RPAP3: variants seen among roughly 807,000 people sequenced by gnomAD.
RPAP3 encodes RNA polymerase II-associated protein 3.
Under a neutral mutation model 88.8 loss-of-function variants are expected in RPAP3, and 58 were observed. The observed-to-expected ratio is 0.65, with a 90% CI of 0.53 to 0.81. The LOEUF (loss-of-function observed/expected upper bound fraction) is 0.81. RPAP3 is among the 40% of genes least tolerant of loss of function. The pLI, the probability that RPAP3 is intolerant of heterozygous loss-of-function variation, is 0.00. For synonymous variants in RPAP3, 255 were observed against 259.9 expected (o/e 0.98, Z 0.18); for missense variants, 751 against 764.3 (o/e 0.98, Z 0.20).
In RPAP3 at chr12:47,686,826, C is replaced by T. The variant is rs767725622; in HGVS notation, c.946G>A (p.Ala316Thr). The T allele has an allele frequency of 1.2e-6, 2 of 1,606,746 alleles. No individual in the cohort carries two copies. Among genetic ancestry groups the T allele is most frequent in the South Asian group, 2.2e-5 (2 of 89,656 alleles). ...TRGIAADGAN[A>T]LLPANRAMAY... Reference sequence around the variant, plus strand: ...ATAGCTCTGTTAGCTGGAAGAAGGGCATTAGCACCATCTGCTGCTATCCCT... The same window carrying T: ...ATAGCTCTGTTAGCTGGAAGAAGGGTATTAGCACCATCTGCTGCTATCCCT... The change falls in exon 9 of 17, where the codon GCC becomes ACC. Residue 316 changes from alanine (A) to threonine (T), a missense_variant. Coordinates refer to ENST00000005386, the MANE Select transcript of RPAP3 (RefSeq NM_024604.3).
chr12:47,664,547 G>A (rs1163117979), intron 16 of RPAP3: 1 of 152,134 alleles, frequency 6.6e-6, no homozygotes, highest in Non-Finnish European at 1.5e-5. Context: ...TAATGATAAT[G>A]GCAATAATAA....
At chr12:47,693,507 T>C (rs1467509931) in intron 5 of RPAP3, among the ~76,000 whole-genome samples, 6 of 152,222 alleles carry the variant, frequency 3.9e-5, no homozygotes, top group Admixed American at 3.9e-4. Context: ...ACTTGCCTGA[T>C]ATAAGGTTGC....
Position 47,690,658 on chromosome 12 carries a change from AAAAT to A in RPAP3, c.546-23_546-20del. Reference sequence around the variant, plus strand: ...AGCAAATCTGCAATTTAAAAACATTAAAATAAATAAAGTTAATAAAACTAATTTA... The same window carrying A: ...AGCAAATCTGCAATTTAAAAACATTAAAATAAAGTTAATAAAACTAATTTA... On this transcript the variant is annotated intron_variant, in intron 5 of 16. Transcript: ENST00000005386. 1 of 1,423,736 alleles carries A rather than the reference AAAAT, an allele frequency of 7.0e-7. No individual in the cohort carries two copies. Among genetic ancestry groups the A allele is most frequent in the African/African-American group, 1.4e-5 (1 of 69,360 alleles). The allele number at this position is 1,423,736 out of a possible 1,614,324, so 88.2% of individuals were successfully genotyped here.
intron 7 of RPAP3, 131 bp from the exon 8 acceptor site, chr12:47,688,132 C>A: frequency 1.2e-6 from 1 of 801,498 alleles, no homozygotes; most frequent in Non-Finnish European, 1.8e-6. Context: ...ATAACATTTT[C>A]TGCTCTAATT....
chr12:47,682,802 T>C (rs1409935206), intron 9 of RPAP3, among the ~76,000 whole-genome samples: 2 of 152,196 alleles, frequency 1.3e-5, no homozygotes, highest in Non-Finnish European at 2.9e-5. Context: ...TAAACATCTC[T>C]GATTTATTTA....
At chr12:47,697,550 A>T in intron 4 of RPAP3, 47 bp downstream of exon 4, 3 of 1,531,956 alleles carry the variant, frequency 2.0e-6, no homozygotes, top group Non-Finnish European at 2.7e-6. Context: ...ATGATTTTCA[A>T]CATCTCCTGC....
At chr12:47,680,506 G>T (rs1425656969) in intron 10 of RPAP3, among the ~76,000 whole-genome samples, 3 of 151,930 alleles carry the variant, frequency 2.0e-5, no homozygotes. Context: ...TAGCTAACAG[G>T]CTTATAGAGA....
intron 9 of RPAP3, among the ~76,000 whole-genome samples, chr12:47,684,107 T>G (rs1429023372): frequency 6.6e-6 from 1 of 152,224 alleles, no homozygotes; most frequent in Non-Finnish European, 1.5e-5. Flanking sequence ...ACTTCTGTCC[T>G]TATTTCTGAT....
At chr12:47,675,406 T>G (rs1318201874) in intron 12 of RPAP3, among the ~76,000 whole-genome samples, 1 of 152,162 alleles carries the variant, frequency 6.6e-6, no homozygotes, top group Non-Finnish European at 1.5e-5. Context: ...AATATTACCC[T>G]TAAATGTAAA....
At chr12:47,670,077 T>C in intron 13 of RPAP3, 30 bp downstream of exon 13, 1 of 1,350,550 alleles carries the variant, frequency 7.4e-7, no homozygotes, top group Non-Finnish European at 1.1e-6. Context: ...CCATTCTGGA[T>C]GATCAGCAAA....
At chr12:47,691,164 T>G (rs534838784) in intron 5 of RPAP3, among the ~76,000 whole-genome samples, 2 of 152,302 alleles carry the variant, frequency 1.3e-5, no homozygotes, top group East Asian at 3.9e-4. Flanking sequence ...TTGGAGTCAA[T>G]CCTCTCAAAC....
At chr12:47,699,924 T>C (rs1444549988) in intron 3 of RPAP3, 1 of 151,638 alleles carries the variant, frequency 6.6e-6, no homozygotes, top group Non-Finnish European at 1.5e-5. Context: ...GTGTAAGAGG[T>C]CAGAACAGTG....
chr12:47,679,424 A>T, intron 12 of RPAP3, 69 bp downstream of exon 12: 1 of 992,556 alleles, frequency 1.0e-6, no homozygotes, highest in Non-Finnish European at 1.5e-6. Flanking sequence ...TTAATACAAT[A>T]GTTGGTTTCC....
In RPAP3 at chr12:47,670,234, T is replaced by C; in HGVS notation, c.1399A>G (p.Asn467Asp). 3 of 1,613,752 alleles carry C rather than the reference T, an allele frequency of 1.9e-6. No individual in the cohort carries two copies. In the South Asian group the frequency reaches 3.3e-5, roughly 18 times the overall value. ...APENNPINLANVIAATGTTSK... is the reference protein window; with the variant it reads ...APENNPINLADVIAATGTTSK... ...GTGGTGCCTGTGGCTGCTATTACAT[T>C]TGCTAGATTAATAGGATTATTCTCT... Residue 467 changes from asparagine (N) to aspartate (D), a missense_variant, in exon 13 of 17, where the codon AAT (asparagine) becomes GAT (aspartate). By Grantham distance (23) the Asn-to-Asp change is conservative. Coordinates refer to ENST00000005386, the MANE Select transcript of RPAP3 (RefSeq NM_024604.3).
intron 8 of RPAP3, 76 bp from the exon 9 acceptor site, chr12:47,686,983 C>T: frequency 1.1e-6 from 1 of 884,642 alleles, no homozygotes; most frequent in Non-Finnish European, 1.7e-6. Context: ...TCTTATGAAA[C>T]ACTGCAAGGA....
Position 47,670,118 on chromosome 12 carries a change from A to G in RPAP3, c.1515T>C (p.Thr505=). The G allele has an allele frequency of 6.3e-7, 1 of 1,585,788 alleles. No homozygotes were observed. The change falls in exon 13 of 17, where the codon ACT becomes ACC. Residue 505 remains threonine (T), a synonymous_variant. Transcript: ENST00000005386. ...GTATTTCTACTCACTGCAGGGATGA[A>G]GTATCACTGACTTCTTCTATTTTCA... is the stretch of plus-strand genomic sequence containing the variant. The part of the protein sequence containing the change: ...KVLKIEEVSD[T]SSLQPQASLK...
At chr12:47,700,989 A>G (rs1338100196) in intron 3 of RPAP3, among the ~76,000 whole-genome samples, 11 of 152,294 alleles carry the variant, frequency 7.2e-5, no homozygotes, top group Admixed American at 5.9e-4. Context: ...GATGGCACAA[A>G]GGGAATCTTT....
chr12:47,679,900 C>T (rs1445851265), intron 10 of RPAP3, 126 bp from the exon 11 acceptor site: 2 of 641,574 alleles, frequency 3.1e-6, no homozygotes, highest in East Asian at 5.5e-5. Context: ...ACTCAGATTA[C>T]TAGGAAACAG....
chr12:47,703,096 GAAA>G (rs1939690253), intron 1 of RPAP3, among the ~76,000 whole-genome samples: 1 of 152,220 alleles, frequency 6.6e-6, no homozygotes, highest in Non-Finnish European at 1.5e-5. Context: ...GTAATGGGGA[GAAA>G]AATCACTGAA....
Sources: gnomAD v4.1 joint callset for allele counts (sites outside exome capture counted in the v4.1 genomes callset) on GRCh38, gnomAD v4.1.1 for gene constraint, MANE v1.5 for transcripts, NCBI Gene and HGNC (gene_info 2026-07-23, HGNC 2026-07-21) for gene names.